CNTN5: variants seen among roughly 807,000 people sequenced by gnomAD.
CNTN5 encodes the protein contactin 5.
Under a neutral mutation model 129.1 loss-of-function variants are expected in CNTN5, and 77 were observed. That is an observed-to-expected ratio of 0.60 (90% CI 0.50 to 0.72). The LOEUF (loss-of-function observed/expected upper bound fraction) is 0.72, where lower values mean the gene tolerates loss of function less well. Ranked by LOEUF, CNTN5 falls within the 30% of genes least tolerant of loss-of-function variation. CNTN5 has a pLI of 0.00. For synonymous variants in CNTN5, 509 were observed against 465.6 expected, an observed-to-expected ratio of 1.09 and a Z score of -1.20; for missense variants, 1,478 against 1,328.8, an observed-to-expected ratio of 1.11 and a Z score of -1.75.
intron 7 of CNTN5, among the ~76,000 whole-genome samples, chr11:99,923,025 G>A (rs1017239445): frequency 6.6e-6 from 1 of 152,166 alleles, no homozygotes; most frequent in African/African-American, 2.4e-5. Context: ...TGTATGAAAT[G>A]ATAAAACAGT....
chr11:99,044,267 C>A (rs1276365113), intron 1 of CNTN5, among the ~76,000 whole-genome samples: 4 of 152,140 alleles, frequency 2.6e-5, no homozygotes, highest in Non-Finnish European at 5.9e-5. Flanking sequence ...TAACAAAATT[C>A]TATTCTCCAA....
intron 7 of CNTN5, among the ~76,000 whole-genome samples, chr11:99,924,447 A>G (rs1439503652): frequency 6.6e-6 from 1 of 152,180 alleles, no homozygotes; most frequent in Non-Finnish European, 1.5e-5. Flanking sequence ...ATCCAACTTA[A>G]TTCTGCATAT....
chr11:99,391,106 C>T (rs867207615), intron 2 of CNTN5, among the ~76,000 whole-genome samples: 10 of 152,074 alleles, frequency 6.6e-5, no homozygotes, highest in African/African-American at 2.4e-4. Context: ...GTCTTTAAAA[C>T]AATTTCTAAA....
chr11:99,441,886 C>T (rs1943843984), intron 2 of CNTN5, among the ~76,000 whole-genome samples: 1 of 152,106 alleles, frequency 6.6e-6, no homozygotes, highest in African/African-American at 2.4e-5. Flanking sequence ...GCGTTTCCAT[C>T]AGTGTCCAGC....
intron 1 of CNTN5, among the ~76,000 whole-genome samples, chr11:99,107,903 C>T (rs1004029920): frequency 1.4e-5 from 2 of 142,972 alleles, no homozygotes; most frequent in East Asian, 4.2e-4. Flanking sequence ...TGCACTCCAG[C>T]CTGGGCAACA....
chr11:99,519,498 A>T (rs1277554237), intron 2 of CNTN5, among the ~76,000 whole-genome samples: 4 of 152,066 alleles, frequency 2.6e-5, no homozygotes. Context: ...AAATTAGGCA[A>T]TCAAATATTT....
Position 99,849,497 on chromosome 11 carries a change from A to G in CNTN5, c.577+4235A>G, listed in dbSNP as rs148245564. On this transcript the variant is annotated intron_variant, in intron 6 of 24. Coordinates refer to ENST00000524871, the MANE Select transcript of CNTN5 (RefSeq NM_014361.4). The stretch of plus-strand genomic sequence containing the variant: ...ATAACAGCTTGCCTTCCTGCTCCCA[A>G]CCCCTTGTCAGGCATAGATTTACCT... 3.8e-4 allele frequency among the ~76,000 whole-genome samples: 58 copies of G among 152,082 alleles called. No homozygotes were observed. In the South Asian group the frequency reaches 6.2e-3, roughly 16 times the overall value.
At chr11:99,200,328 T>C (rs113376029) in intron 1 of CNTN5, among the ~76,000 whole-genome samples, 26 of 152,362 alleles carry the variant, frequency 1.7e-4, no homozygotes, top group African/African-American at 2.9e-4. Flanking sequence ...TATTTTCTAC[T>C]ATTTTCTAAT....
chr11:99,455,773 A>C (rs1944474516), intron 2 of CNTN5, among the ~76,000 whole-genome samples: 1 of 152,194 alleles, frequency 6.6e-6, no homozygotes, highest in East Asian at 1.9e-4. Flanking sequence ...TAAGAAGAAA[A>C]GGGAAAAAAA....
chr11:99,286,825 A>G (rs1863960583), intron 1 of CNTN5, among the ~76,000 whole-genome samples: 1 of 152,208 alleles, frequency 6.6e-6, no homozygotes. Flanking sequence ...GGTTTAAACT[A>G]AATTCTCTGA....
At chr11:99,346,801 C>T (rs59634769) in intron 2 of CNTN5, among the ~76,000 whole-genome samples, 23,783 of 152,142 alleles carry the variant, frequency 0.16, 1,841 homozygotes, top group Middle Eastern at 0.24. Flanking sequence ...GACACAAGCT[C>T]GCTCTCTCCT....
chr11:99,669,062 T>A lies in CNTN5; in HGVS notation c.55+112793T>A, dbSNP rs117863386. 2.2e-3 allele frequency among the ~76,000 whole-genome samples: 328 copies of A among 152,270 alleles called. 1 individual carries two copies. The highest frequency in any genetic ancestry group is 2.8e-3 in the Non-Finnish European group (190 of 68,008). On this transcript the variant is annotated intron_variant, in intron 3 of 24. Coordinates refer to ENST00000524871, the MANE Select transcript of CNTN5 (RefSeq NM_014361.4). ...CACGCGTGGATATTTGTGCTTTCTT[T>A]TAAACATGATTTATACTCTTACTTT...
intron 3 of CNTN5, among the ~76,000 whole-genome samples, chr11:99,703,042 G>A (rs1350895652): frequency 6.6e-6 from 1 of 150,718 alleles, no homozygotes; most frequent in Non-Finnish European, 1.5e-5. Context: ...ATAGGACACA[G>A]GAAGAATTTT....
chr11:100,213,639 A>G (rs1385792978), intron 15 of CNTN5, among the ~76,000 whole-genome samples: 4 of 152,134 alleles, frequency 2.6e-5, no homozygotes, highest in Non-Finnish European at 5.9e-5. Flanking sequence ...AACTTTTCAT[A>G]GTTGGTTTTG....
intron 3 of CNTN5, among the ~76,000 whole-genome samples, chr11:99,580,735 G>A (rs1264940346): frequency 8.8e-5 from 13 of 147,274 alleles, no homozygotes; most frequent in African/African-American, 3.3e-4. Context: ...TTCTTTATTA[G>A]TCTTGCTAAC....
chr11:99,337,838 T>A (rs1320338462), intron 2 of CNTN5, among the ~76,000 whole-genome samples: 2 of 145,272 alleles, frequency 1.4e-5, no homozygotes, highest in Non-Finnish European at 3.0e-5. Context: ...AAGTATAATG[T>A]CAGTAGTTAT....
chr11:99,092,968 T>C (rs1206321568), intron 1 of CNTN5, among the ~76,000 whole-genome samples: 1 of 152,104 alleles, frequency 6.6e-6, no homozygotes, highest in Admixed American at 6.5e-5. Context: ...CAACTTTTAC[T>C]TTAAGAAATG....
chr11:99,816,339 G>A (rs1027201673), intron 3 of CNTN5, among the ~76,000 whole-genome samples: 1 of 151,982 alleles, frequency 6.6e-6, no homozygotes, highest in Non-Finnish European at 1.5e-5. Context: ...CCATCTATTT[G>A]GTTACCATTT....
chr11:100,038,795 G>C (rs564530553), intron 9 of CNTN5, among the ~76,000 whole-genome samples: 80 of 152,076 alleles, frequency 5.3e-4, no homozygotes, highest in Middle Eastern at 6.8e-3. Context: ...TGCAACCCCT[G>C]CCTTTTTTTG....
Sources: allele counts gnomAD v4.1 joint callset (sites outside exome capture counted in the v4.1 genomes callset), GRCh38; gene constraint gnomAD v4.1.1; transcripts MANE v1.5; gene names NCBI Gene and HGNC (gene_info 2026-07-23, HGNC 2026-07-21).